The following PPP1R1C variants were observed in gnomAD, a reference collection of about 807,000 sequenced individuals.
The protein encoded by PPP1R1C is protein phosphatase 1 regulatory subunit 1C.
PPP1R1C carries 15 observed loss-of-function variants against 17.4 expected under a neutral mutation model. That is an observed-to-expected ratio of 0.86 (90% CI 0.58 to 1.33). The LOEUF is 1.33. Among genes scored for constraint, PPP1R1C ranks in the 40% most tolerant of loss-of-function variants. The probability of loss-of-function intolerance (pLI) is 0.00; values close to 1 mark genes in which losing one functional copy is unlikely to be tolerated. For synonymous variants in PPP1R1C, 35 were observed against 43.1 expected, an observed-to-expected ratio of 0.81 and a Z score of 0.73; for missense variants, 143 against 130.0, an observed-to-expected ratio of 1.10 and a Z score of -0.48.
chr2:182,008,980 G>A (rs1574373116), intron 2 of PPP1R1C, among the ~76,000 whole-genome samples: 1 of 152,136 alleles, frequency 6.6e-6, no homozygotes, highest in East Asian at 1.9e-4. Flanking sequence ...TTTTATGGCT[G>A]AAGAGTAGTC....
At chr2:182,011,214 C>T (rs2674596) in intron 2 of PPP1R1C, among the ~76,000 whole-genome samples, 5,079 of 151,972 alleles carry the variant, frequency 0.033, 362 homozygotes, top group Admixed American at 0.18. Context: ...CTTTAAATGA[C>T]GGGTAAAATT....
At chr2:182,018,263 C>T (rs1027016562) in intron 2 of PPP1R1C, among the ~76,000 whole-genome samples, 19 of 151,970 alleles carry the variant, frequency 1.3e-4, no homozygotes, top group African/African-American at 2.4e-4. Context: ...CTCTGATTAG[C>T]GAGCTTACAA....
chr2:182,034,699 G>A (rs540668936), intron 2 of PPP1R1C, among the ~76,000 whole-genome samples: 14 of 152,292 alleles, frequency 9.2e-5, no homozygotes, highest in Admixed American at 1.3e-4. Context: ...AGAAATGTGC[G>A]AATGTCAATA....
intron 4 of PPP1R1C, among the ~76,000 whole-genome samples, chr2:182,066,687 C>A (rs575361318): frequency 5.9e-5 from 9 of 152,166 alleles, no homozygotes; most frequent in African/African-American, 2.2e-4. Flanking sequence ...TTGAAGTTTG[C>A]ATAGAAAACA....
chr2:181,977,839 G>A (rs960486577), intron 2 of PPP1R1C, among the ~76,000 whole-genome samples: 8 of 152,140 alleles, frequency 5.3e-5, no homozygotes, highest in East Asian at 3.9e-4. Context: ...GGAATTACCC[G>A]GAGGCTTCTT....
At chr2:182,012,539 G>A (rs1686116308) in intron 2 of PPP1R1C, among the ~76,000 whole-genome samples, 1 of 151,788 alleles carries the variant, frequency 6.6e-6, no homozygotes, top group South Asian at 2.1e-4. Flanking sequence ...ACATAGTTGG[G>A]TCTTTTTAAA....
At chr2:182,028,981 T>G (rs1442384159) in intron 2 of PPP1R1C, among the ~76,000 whole-genome samples, 2 of 136,810 alleles carry the variant, frequency 1.5e-5, no homozygotes, top group Admixed American at 1.5e-4. Context: ...CTTCTTTGTC[T>G]CTTTTGATCT....
intron 4 of PPP1R1C, among the ~76,000 whole-genome samples, chr2:182,077,144 C>T (rs192255209): frequency 1.4e-4 from 22 of 152,276 alleles, no homozygotes; most frequent in African/African-American, 5.1e-4. Context: ...CGAAAACTCT[C>T]TTTTATGACC....
At chr2:181,991,320 G>C (rs965798985) in intron 2 of PPP1R1C, among the ~76,000 whole-genome samples, 3 of 151,952 alleles carry the variant, frequency 2.0e-5, no homozygotes, top group Non-Finnish European at 2.9e-5. Context: ...TGTATTCTAG[G>C]GGCAGCATAA....
chr2:182,047,304 A>G (rs1687376790), intron 2 of PPP1R1C, among the ~76,000 whole-genome samples: 2 of 152,226 alleles, frequency 1.3e-5, no homozygotes, highest in Non-Finnish European at 2.9e-5. Flanking sequence ...AAAGGAATCT[A>G]TAGATCAAAA....
chr2:182,040,795 A>G (rs888398784), intron 2 of PPP1R1C, among the ~76,000 whole-genome samples: 1 of 152,136 alleles, frequency 6.6e-6, no homozygotes, highest in Non-Finnish European at 1.5e-5. Flanking sequence ...CAGGTCTTAG[A>G]TTTAAGACTC....
intron 2 of PPP1R1C, among the ~76,000 whole-genome samples, chr2:182,020,717 A>G (rs979770440): frequency 1.3e-5 from 2 of 152,158 alleles, no homozygotes; most frequent in African/African-American, 4.8e-5. Context: ...TAAAGTGAGT[A>G]GGAGCCCATA....
rs1037315702 is a variant in PPP1R1C, at chr2:181,962,400, G to A, written n.111+7766G>A. 5.4e-6 allele frequency: 4 copies of A among 742,744 alleles called. No individual in the cohort carries two copies. Among genetic ancestry groups the A allele is most frequent in the African/African-American group, 3.5e-5 (2 of 57,226 alleles). The allele number at this position is 742,744 out of a possible 1,614,324, so 46.0% of individuals were successfully genotyped here. A position where few individuals can be genotyped will look rare whatever the true frequency, so the allele number is the denominator to read the frequency against. On this transcript the variant is annotated intron_variant and non_coding_transcript_variant, in intron 1 of 5. Transcript: ENST00000464264. The surrounding 1 kb of genome is among the most constrained non-coding windows in gnomAD (Gnocchi z 6.0). ...ACGCTGGCCATGCAGCTGGCCGGCC[G>A]GGCGCCGTAGTTGGACACCTGGACA...
At position 181,961,180 on chromosome 2, in the gene PPP1R1C, A is replaced by G; in HGVS notation, n.111+6546A>G. On this transcript the variant is annotated intron_variant and non_coding_transcript_variant, in intron 1 of 5. Transcript: ENST00000464264. This position sits in a 1 kb window ranked among gnomAD's most constrained non-coding sequence, Gnocchi z 5.8. ...ACTTTTTATTGACCTCCTGCTCCCC[A>G]AAGGGTACCCTGCTTCTGCTGGCTT... 2.4e-6 allele frequency: 2 copies of G among 832,244 alleles called. No homozygotes were observed. Among genetic ancestry groups the G allele is most frequent in the South Asian group, 2.8e-5 (2 of 72,478 alleles). The allele number at this position is 832,244 out of a possible 1,614,324, so 51.6% of individuals were successfully genotyped here. A position where few individuals can be genotyped will look rare whatever the true frequency, so the allele number is the denominator to read the frequency against.
intron 2 of PPP1R1C, among the ~76,000 whole-genome samples, chr2:182,058,763 AT>A (rs1687762926): frequency 1.3e-5 from 2 of 152,082 alleles, no homozygotes; most frequent in South Asian, 2.1e-4. Flanking sequence ...TCCAAGACAG[AT>A]TTTTCTGCCA....
chr2:182,122,918 C>G (rs1023005053), intron 5 of PPP1R1C, among the ~76,000 whole-genome samples: 1 of 152,058 alleles, frequency 6.6e-6, no homozygotes, highest in African/African-American at 2.4e-5. Flanking sequence ...AGGTTTGTTA[C>G]ATAGGTATAC....
rs1309622373 is a variant in PPP1R1C at position 182,000,589 on chromosome 2, T to C, written c.142+12690T>C. Among the ~76,000 whole-genome samples, 3 of 152,128 alleles carry C rather than the reference T, an allele frequency of 2.0e-5. No homozygotes were observed. In the East Asian group the frequency reaches 5.8e-4, roughly 29 times the overall value. On this transcript the variant is annotated intron_variant, in intron 2 of 4. Coordinates refer to ENST00000682840, the MANE Select transcript of PPP1R1C (RefSeq NM_001080545.3). The stretch of plus-strand genomic sequence containing the variant: ...AAACAACTTTTAGCAACAGTTACCA[T>C]AGAGACATACACATTAGAGATATTA...
downstream of PPP1R1C, among the ~76,000 whole-genome samples, chr2:182,122,249 C>T (rs1473541700): frequency 1.3e-5 from 2 of 151,990 alleles, no homozygotes; most frequent in Admixed American, 6.6e-5. Flanking sequence ...ATTTTTTTAC[C>T]ATTCACTTTT....
At chr2:182,103,804 A>T (rs1689170491) in intron 4 of PPP1R1C, 1 of 152,244 alleles carries the variant, frequency 6.6e-6, no homozygotes, top group Admixed American at 6.5e-5. Context: ...AAACAAACTG[A>T]GTGGAGGCCT....
Sources: allele counts gnomAD v4.1 joint callset (sites outside exome capture counted in the v4.1 genomes callset), GRCh38; gene constraint gnomAD v4.1.1; non-coding constraint Gnocchi (gnomAD v3.1); transcripts MANE v1.5; gene names NCBI Gene and HGNC (gene_info 2026-07-23, HGNC 2026-07-21).